The following MAGI1 variants were observed in gnomAD, a reference collection of about 807,000 sequenced individuals.
MAGI1 encodes membrane associated guanylate kinase, WW and PDZ domain containing 1.
MAGI1 carries 58 observed loss-of-function variants against 139.9 expected under a neutral mutation model. The observed-to-expected ratio is 0.41, with a 90% CI of 0.34 to 0.52. The LOEUF is 0.52. Among genes scored for constraint, MAGI1 ranks in the 20% least tolerant of loss-of-function variants. MAGI1 has a pLI of 0.12. For missense variants in MAGI1, 1,874 were observed against 1,901.6 expected (o/e 0.99, Z 0.27); for synonymous variants, 812 against 737.9 (o/e 1.10, Z -1.63).
intron 1 of MAGI1, among the ~76,000 whole-genome samples, chr3:65,692,779 T>C (rs1311149482): frequency 1.3e-5 from 2 of 152,116 alleles, no homozygotes; most frequent in South Asian, 2.1e-4. Flanking sequence ...AAAAACCAGT[T>C]TGGCTGTCTC....
chr3:65,614,617 C>T (rs1341838840), intron 2 of MAGI1, among the ~76,000 whole-genome samples: 1 of 152,036 alleles, frequency 6.6e-6, no homozygotes, highest in African/African-American at 2.4e-5. Context: ...ATAAGTTACT[C>T]AGCCTCTCTG....
At chr3:65,838,117 A>C (rs2058688002) in intron 1 of MAGI1, among the ~76,000 whole-genome samples, 2 of 152,112 alleles carry the variant, frequency 1.3e-5, no homozygotes, top group African/African-American at 2.4e-5. Flanking sequence ...CCCAATCAAG[A>C]TACACAACTG....
chr3:65,878,873 TAGGGGAA>T (rs2060220359), intron 1 of MAGI1, among the ~76,000 whole-genome samples: 1 of 152,012 alleles, frequency 6.6e-6, no homozygotes. Context: ...CAGGTATAGG[TAGGGGAA>T]AGAGCAGAGG....
chr3:65,599,453 C>T (rs2082380686), intron 2 of MAGI1, among the ~76,000 whole-genome samples: 1 of 152,208 alleles, frequency 6.6e-6, no homozygotes, highest in Non-Finnish European at 1.5e-5. Flanking sequence ...CCTTTTCCTT[C>T]TAGTCACTCA....
chr3:65,365,870 C>G (rs915729448), intron 18 of MAGI1, among the ~76,000 whole-genome samples: 1 of 152,186 alleles, frequency 6.6e-6, no homozygotes, highest in Admixed American at 6.5e-5. Context: ...CTATTCCAAA[C>G]TGAGATACCT....
At chr3:65,653,526 G>A (rs901884699) in intron 1 of MAGI1, among the ~76,000 whole-genome samples, 4 of 152,140 alleles carry the variant, frequency 2.6e-5, no homozygotes, top group African/African-American at 9.7e-5. Context: ...AATGTCATGT[G>A]CAATGAAATC....
chr3:65,438,295 A>G (rs190088768), intron 9 of MAGI1, among the ~76,000 whole-genome samples: 7 of 152,204 alleles, frequency 4.6e-5, no homozygotes, highest in Non-Finnish European at 7.3e-5. Context: ...GAAACACCAC[A>G]TGTTCTCACT....
At chr3:65,814,610 A>T (rs1185814912) in intron 1 of MAGI1, among the ~76,000 whole-genome samples, 6 of 152,198 alleles carry the variant, frequency 3.9e-5, no homozygotes, top group Non-Finnish European at 5.9e-5. Context: ...GAAAGCAAGC[A>T]CTTCATTTCT....
chr3:65,713,184 C>T (rs929796229), intron 1 of MAGI1, among the ~76,000 whole-genome samples: 1 of 152,134 alleles, frequency 6.6e-6, no homozygotes, highest in Admixed American at 6.5e-5. Flanking sequence ...GGGCATAAAA[C>T]ATTCTGGTTG....
At chr3:65,809,721 G>A (rs1284155393) in intron 1 of MAGI1, among the ~76,000 whole-genome samples, 2 of 152,100 alleles carry the variant, frequency 1.3e-5, no homozygotes, top group East Asian at 1.9e-4. Context: ...AAAAAGTGGC[G>A]CCCAGTTACC....
At chr3:65,861,055 G>C (rs1460935559) in intron 1 of MAGI1, among the ~76,000 whole-genome samples, 1 of 152,150 alleles carries the variant, frequency 6.6e-6, no homozygotes, top group Non-Finnish European at 1.5e-5. Flanking sequence ...CCATGGATGT[G>C]AGAGGGACAG....
At chr3:65,634,712 G>C (rs146010152) in intron 1 of MAGI1, among the ~76,000 whole-genome samples, 1 of 152,188 alleles carries the variant, frequency 6.6e-6, no homozygotes, top group Non-Finnish European at 1.5e-5. Context: ...GTGTAAGCTT[G>C]ATTAGATCTG....
intron 12 of MAGI1, among the ~76,000 whole-genome samples, chr3:65,422,532 C>A (rs1946700747): frequency 6.6e-6 from 1 of 152,096 alleles, no homozygotes; most frequent in Admixed American, 6.6e-5. Context: ...ATCAAAGGGT[C>A]CTGCATTAAC....
At chr3:65,956,813 C>T (rs898748077) in intron 1 of MAGI1, among the ~76,000 whole-genome samples, 1 of 151,918 alleles carries the variant, frequency 6.6e-6, no homozygotes, top group African/African-American at 2.4e-5. Context: ...GCCTGGCCAA[C>T]ATGATGAGAC....
chr3:65,781,738 A>G (rs2038951190), intron 1 of MAGI1, among the ~76,000 whole-genome samples: 1 of 152,228 alleles, frequency 6.6e-6, no homozygotes, highest in South Asian at 2.1e-4. Context: ...GGCAACATCT[A>G]TAATAATAAC....
chr3:65,665,254 T>C (rs570827365), intron 1 of MAGI1, among the ~76,000 whole-genome samples: 32 of 152,246 alleles, frequency 2.1e-4, no homozygotes, highest in Non-Finnish European at 4.1e-4. Context: ...GTGAATTCGG[T>C]GTTAATGAAT....
chr3:65,571,836 G>A (rs78725618), intron 2 of MAGI1, among the ~76,000 whole-genome samples: 1,605 of 152,076 alleles, frequency 0.011, 27 homozygotes, highest in African/African-American at 0.031. Flanking sequence ...ATGGCATGCT[G>A]ACCAAAAATA....
chr3:65,535,264 T>C (rs937863070), intron 2 of MAGI1, among the ~76,000 whole-genome samples: 1 of 152,186 alleles, frequency 6.6e-6, no homozygotes, highest in Non-Finnish European at 1.5e-5. Context: ...GGAATAGCTC[T>C]TCAAAGGGAA....
chr3:65,727,469 A>G (rs115702278), intron 1 of MAGI1, among the ~76,000 whole-genome samples: 4,338 of 152,150 alleles, frequency 0.029, 181 homozygotes, highest in Admixed American at 0.12. Flanking sequence ...TGTTCGAGCA[A>G]TCCTCCAGCC....
Sources: allele counts gnomAD v4.1 joint callset (sites outside exome capture counted in the v4.1 genomes callset), GRCh38; gene constraint gnomAD v4.1.1; transcripts MANE v1.5; gene names NCBI Gene and HGNC (gene_info 2026-07-23, HGNC 2026-07-21).